Variants in METTL9 observed in about 807,000 individuals in gnomAD.
The protein encoded by METTL9 is protein-L-histidine N-pros-methyltransferase.
METTL9 carries 10 observed loss-of-function variants against 36.0 expected under a neutral mutation model. The observed-to-expected ratio is 0.28, with a 90% confidence interval of 0.17 to 0.47. METTL9 has a LOEUF of 0.47. Ranked by LOEUF, METTL9 falls within the 20% of genes least tolerant of loss-of-function variation. The pLI, the probability that METTL9 is intolerant of heterozygous loss-of-function variation, is 0.99. For synonymous variants in METTL9, 175 were observed against 149.7 expected (o/e 1.17, Z -1.23); for missense variants, 246 against 383.5 (o/e 0.64, Z 3.00).
upstream of METTL9, among the ~76,000 whole-genome samples, chr16:21,598,435 T>TGAAAATC (rs1254216568): frequency 6.6e-6 from 1 of 151,796 alleles, no homozygotes; most frequent in Non-Finnish European, 1.5e-5. Context: ...GTTTCATAAA[T>TGAAAATC]GAAAATCTCT....
chr16:21,625,659 T>C (rs1965800214), intron 4 of METTL9, among the ~76,000 whole-genome samples: 1 of 152,192 alleles, frequency 6.6e-6, no homozygotes, highest in Admixed American at 6.5e-5. Context: ...TTCAGCAATA[T>C]TGAATGAAGA....
At chr16:21,643,995 C>T (rs924214348) in intron 4 of METTL9, among the ~76,000 whole-genome samples, 1 of 152,158 alleles carries the variant, frequency 6.6e-6, no homozygotes, top group Non-Finnish European at 1.5e-5. Context: ...GCCCACACCT[C>T]ACCCCTACAG....
At chr16:21,638,660 C>T (rs1026478839) in intron 4 of METTL9, among the ~76,000 whole-genome samples, 1 of 152,042 alleles carries the variant, frequency 6.6e-6, no homozygotes, top group Non-Finnish European at 1.5e-5. Context: ...ATATGTCAAA[C>T]TAAGTACTGA....
upstream of METTL9, chr16:21,597,321 T>C: frequency 5.4e-6 from 7 of 1,285,350 alleles, no homozygotes; most frequent in Non-Finnish European, 7.1e-6. Flanking sequence ...GAATTTACTC[T>C]GCTACCTTCA....
At chr16:21,638,543 C>T (rs914496686) in intron 4 of METTL9, among the ~76,000 whole-genome samples, 6 of 152,020 alleles carry the variant, frequency 3.9e-5, no homozygotes, top group Non-Finnish European at 1.5e-5. Flanking sequence ...CTACTGTGTA[C>T]CAAGTGGAAA....
In METTL9 at chr16:21,621,967, C is replaced by T. The variant is rs892406426; in HGVS notation, c.567-2964C>T. Among the ~76,000 whole-genome samples the T allele has an allele frequency of 6.0e-5, 9 of 150,794 alleles. 1 individual carries two copies. Among genetic ancestry groups the T allele is most frequent in the African/African-American group, 7.3e-5 (3 of 41,000 alleles). On this transcript the variant is annotated intron_variant, in intron 3 of 4. Transcript: ENST00000358154. ...CTGTGCAGCCTCCGCCTCAGCCTCCCGAGTAGCTGGGACTACAGGCGCATG... is the reference window on the plus strand; with the variant it reads ...CTGTGCAGCCTCCGCCTCAGCCTCCTGAGTAGCTGGGACTACAGGCGCATG...
chr16:21,650,779 A>G (rs1305802444), intron 4 of METTL9, among the ~76,000 whole-genome samples: 1 of 152,190 alleles, frequency 6.6e-6, no homozygotes, highest in East Asian at 1.9e-4. Context: ...AGAAGTTTGG[A>G]TATGTCACAC....
chr16:21,602,346 G>C (rs1965155459), intron 1 of METTL9, among the ~76,000 whole-genome samples: 1 of 152,196 alleles, frequency 6.6e-6, no homozygotes, highest in Non-Finnish European at 1.5e-5. Flanking sequence ...TGTTAGTATA[G>C]TTTGGAGAGG....
At chr16:21,619,587 A>ATTTTTTTTTT (rs35728063) in intron 3 of METTL9, among the ~76,000 whole-genome samples, 698 of 124,128 alleles carry the variant, frequency 5.6e-3, no homozygotes, top group Middle Eastern at 0.014. Flanking sequence ...TGCCCGGCTA[A>ATTTTTTTTTT]TTTTTTTTTT....
At chr16:21,637,420 A>G (rs1042735605) in intron 4 of METTL9, among the ~76,000 whole-genome samples, 13 of 152,136 alleles carry the variant, frequency 8.5e-5, no homozygotes, top group African/African-American at 3.1e-4. Context: ...GACACAGAGC[A>G]CTGATTGGTG....
Position 21,618,020 on chromosome 16 carries a change from A to G in METTL9, c.512A>G (p.Tyr171Cys). ...ATGAGCCCTCATTTTGAAGAAATCT[A>G]TGCCACTGAGCTTTCTGAAACTATG... is the stretch of plus-strand genomic sequence containing the variant. ...KIMSPHFEEI[Y>C]ATELSETMIW... Residue 171 changes from tyrosine (Y) to cysteine (C), a missense_variant, in exon 3 of 5, where the codon TAT becomes TGT. By Grantham distance (194) the Tyr-to-Cys change is radical. This residue lies in a region of METTL9 where 146 missense variants were observed against 302.1 expected (regional missense o/e 0.48). Coordinates refer to ENST00000358154, the MANE Select transcript of METTL9 (RefSeq NM_016025.5). 1 of 1,610,812 alleles carries G rather than the reference A, an allele frequency of 6.2e-7. No homozygotes were observed. Among genetic ancestry groups the G allele is most frequent in the Non-Finnish European group, 8.5e-7 (1 of 1,179,148 alleles).
At chr16:21,625,651 C>T (rs1965799960) in intron 4 of METTL9, among the ~76,000 whole-genome samples, 1 of 152,078 alleles carries the variant, frequency 6.6e-6, no homozygotes, top group African/African-American at 2.4e-5. Flanking sequence ...TCTTGCTCTT[C>T]AGCAATATTG....
rs1965596295 is a variant in METTL9 at position 21,617,980 on chromosome 16, G to A, written c.472G>A (p.Glu158Lys). The part of the protein sequence containing the change: ...RLLDLGAGDG[E>K]VTKIMSPHFE... ...TCTTGATTTAGGTGCTGGAGATGGA[G>A]AAGTCACAAAAATCATGAGCCCTCA... is the stretch of plus-strand genomic sequence containing the variant. Residue 158 changes from glutamate (E) to lysine (K), a missense_variant, in exon 3 of 5, where the codon GAA becomes AAA. Physicochemically the swap from Glu to Lys is moderately conservative, Grantham distance 56. Transcript: ENST00000358154. The A allele has an allele frequency of 6.2e-7, 1 of 1,613,470 alleles. No individual in the cohort carries two copies. The highest frequency in any genetic ancestry group is 1.1e-5 in the South Asian group (1 of 90,904).
At chr16:21,649,851 G>C (rs1344289148) in intron 4 of METTL9, among the ~76,000 whole-genome samples, 1 of 151,986 alleles carries the variant, frequency 6.6e-6, no homozygotes, top group South Asian at 2.1e-4. Context: ...TGAGACTATA[G>C]GTGTGCACCA....
chr16:21,635,009 G>A (rs998270663), intron 4 of METTL9, among the ~76,000 whole-genome samples: 6 of 152,146 alleles, frequency 3.9e-5, no homozygotes, highest in Admixed American at 6.5e-5. Flanking sequence ...CCCTTTCTTC[G>A]GCTGTCATTT....
At chr16:21,612,509 C>A in intron 1 of METTL9, 136 bp from the exon 2 acceptor site, 1 of 768,204 alleles carries the variant, frequency 1.3e-6, no homozygotes, top group Non-Finnish European at 1.9e-6. Context: ...AATGATTATT[C>A]TCAGAGTATC....
chr16:21,599,534 C>T (rs978034574), upstream of METTL9: 136 of 1,269,384 alleles, frequency 1.1e-4, no homozygotes, highest in Non-Finnish European at 1.3e-4. The surrounding 1 kb of genome is among the most constrained non-coding windows in gnomAD (Gnocchi z 4.4). Context: ...GTTCCGCGGC[C>T]GGAAGGGAAG....
chr16:21,628,848 T>TC (rs1403529542), intron 4 of METTL9, among the ~76,000 whole-genome samples: 1 of 152,028 alleles, frequency 6.6e-6, no homozygotes, highest in East Asian at 1.9e-4. Flanking sequence ...TGCTAATTTT[T>TC]TTTTTTTTTA....
intron 4 of METTL9, among the ~76,000 whole-genome samples, chr16:21,635,486 T>C (rs1228503925): frequency 6.6e-6 from 1 of 152,138 alleles, no homozygotes; most frequent in African/African-American, 2.4e-5. Flanking sequence ...TGTATTCTCG[T>C]GTATTCTCCT....
Sources: allele counts gnomAD v4.1 joint callset (sites outside exome capture counted in the v4.1 genomes callset), GRCh38; gene constraint gnomAD v4.1.1; regional missense constraint gnomAD v4.1.1; non-coding constraint Gnocchi (gnomAD v3.1); transcripts MANE v1.5; gene names NCBI Gene and HGNC (gene_info 2026-07-23, HGNC 2026-07-21).